NME3: variants seen among roughly 807,000 people sequenced by gnomAD.
NME3 encodes the protein NME/NM23 nucleoside diphosphate kinase 3.
NME3 carries 23 observed loss-of-function variants against 15.8 expected under a neutral mutation model. That is an observed-to-expected ratio of 1.45 (90% CI 1.05 to 2.06). The LOEUF is 2.06. Among genes scored for constraint, NME3 ranks in the 30% most tolerant of loss-of-function variants. The pLI is 0.00. For synonymous variants in NME3, 157 were observed against 104.4 expected, an observed-to-expected ratio of 1.50 and a Z score of -3.07; for missense variants, 354 against 243.2, an observed-to-expected ratio of 1.46 and a Z score of -3.03.
At position 1,770,405 on chromosome 16, in the gene NME3, AGT is replaced by A; in HGVS notation, c.*242_*243del. The A allele has an allele frequency of 2.3e-6, 1 of 431,806 alleles. No homozygotes were observed. Among genetic ancestry groups the A allele is most frequent in the Non-Finnish European group, 4.1e-6 (1 of 243,552 alleles). 26.7% of individuals were successfully genotyped at this position (431,806 alleles called of 1,614,324 possible). ...ACCACGTTGGGCTGGGCACCAGGAC[AGT>A]GTCCTGGCACGTTTCCAGGCGAGCC... On this transcript the variant is annotated 3_prime_UTR_variant, in exon 5 of 5. Transcript: ENST00000219302.
Position 1,771,118 on chromosome 16 carries a change from G to C in NME3, c.231C>G (p.Phe77Leu). 1 of 1,609,798 alleles carries C rather than the reference G, an allele frequency of 6.2e-7. No homozygotes were observed. The highest frequency in any genetic ancestry group is 1.1e-5 in the South Asian group (1 of 90,922). ...CCATATACTTGACAAGGCGGCCGTA[G>C]AACGGGCGTTCACGCAGCTCGGCGT... ...EHYAELRERP[F>L]YGRLVKYMAS... The change falls in exon 3 of 5, where the codon TTC becomes TTG. Residue 77 changes from phenylalanine (F) to leucine (L), a missense_variant. Coordinates refer to ENST00000219302, the MANE Select transcript of NME3 (RefSeq NM_002513.3).
At position 1,771,160 on chromosome 16, in the gene NME3, C is replaced by T. The variant is rs1465485423; in HGVS notation, c.189G>A (p.Glu63=). 3 of 1,603,868 alleles carry T rather than the reference C, an allele frequency of 1.9e-6. No individual in the cohort carries two copies. Among genetic ancestry groups the T allele is most frequent in the South Asian group, 2.2e-5 (2 of 90,478 alleles). ...VALKLVQASE[E]LLREHYAELR... ...GCTCGGCGTAGTGCTCACGCAGCAG[C>T]TCCTCGGAGGCCTGCGGAAGGGTCA... is the stretch of plus-strand genomic sequence containing the variant. The change falls in exon 3 of 5, where the codon GAG becomes GAA. Residue 63 remains glutamate (E), a synonymous_variant. Coordinates refer to ENST00000219302, the MANE Select transcript of NME3 (RefSeq NM_002513.3).
In NME3 at chr16:1,770,673, G is replaced by A; in HGVS notation, c.486C>T (p.Ser162=). 1.3e-6 allele frequency: 2 copies of A among 1,583,982 alleles called. No individual in the cohort carries two copies. The highest frequency in any genetic ancestry group is 1.1e-5 in the South Asian group (1 of 87,526). Residue 162 remains serine (S), a synonymous_variant, in exon 5 of 5, where the codon AGC becomes AGT. Coordinates refer to ENST00000219302, the MANE Select transcript of NME3 (RefSeq NM_002513.3). ...RADELLCWED[S]AGHWLYE ...GCTACTCATACAGCCAGTGCCCAGC[G>A]CTGTCCTCCCAGCAGAGGAGCTCGT...
intron 3 of NME3, 36 bp from the exon 4 acceptor site, chr16:1,771,029 T>TG (rs1490920241): frequency 6.3e-7 from 1 of 1,593,608 alleles, no homozygotes; most frequent in Non-Finnish European, 8.6e-7. Flanking sequence ...CACGCGGGGG[T>TG]GGGGGTCCCG....
Position 1,771,517 on chromosome 16 carries a change from C to G in NME3, c.18G>C (p.Leu6=), listed in dbSNP as rs1362032474. The G allele has an allele frequency of 1.6e-6, 2 of 1,236,100 alleles. No homozygotes were observed. Among genetic ancestry groups the G allele is most frequent in the East Asian group, 3.1e-5 (1 of 31,784 alleles). The allele number at this position is 1,236,100 out of a possible 1,614,324, so 76.6% of individuals were successfully genotyped here. ...CGGGGAAGAGGTTAGCGAAGATGGT[C>G]AGCACCAGGCAGATCATGATGGCGG... MICLV[L]TIFANLFPAA... The change falls in exon 1 of 5, where the codon CTG becomes CTC. Residue 6 remains leucine (L), a synonymous_variant. Coordinates refer to ENST00000219302, the MANE Select transcript of NME3 (RefSeq NM_002513.3).
chr16:1,770,707 A>T lies in NME3; in HGVS notation c.452T>A (p.Phe151Tyr). The T allele has an allele frequency of 6.3e-7, 1 of 1,590,038 alleles. No homozygotes were observed. Among genetic ancestry groups the T allele is most frequent in the Admixed American group, 1.8e-5 (1 of 56,696 alleles). Residue 151 changes from phenylalanine (F) to tyrosine (Y), a missense_variant, in exon 5 of 5, where the codon TTC (phenylalanine) becomes TAC (tyrosine). Phe to Tyr is a conservative substitution (Grantham distance 22, BLOSUM62 3). Transcript: ENST00000219302. ...ESARREIALW[F>Y]RADELLCWED... ...CCAGCAGAGGAGCTCGTCTGCGCGG[A>T]ACCAGAGAGCGATCTCGCGGCGGGC...
Position 1,771,098 on chromosome 16 carries a change from T to C in NME3, c.251A>G (p.Tyr84Cys), listed in dbSNP as rs1378624962. The C allele has an allele frequency of 6.2e-7, 1 of 1,610,406 alleles. No individual in the cohort carries two copies. Among genetic ancestry groups the C allele is most frequent in the South Asian group, 1.1e-5 (1 of 90,930 alleles). ...ERPFYGRLVK[Y>C]MASGPVVAMV... The stretch of plus-strand genomic sequence containing the variant: ...GGCCACCACCGGCCCGGAGGCCATA[T>C]ACTTGACAAGGCGGCCGTAGAACGG... Residue 84 changes from tyrosine (Y) to cysteine (C), a missense_variant, in exon 3 of 5, where the codon TAT becomes TGT. Transcript: ENST00000219302.
Position 1,770,602 on chromosome 16 carries a change from TG to T in NME3, c.*46del. On this transcript the variant is annotated 3_prime_UTR_variant, in exon 5 of 5. Coordinates refer to ENST00000219302, the MANE Select transcript of NME3 (RefSeq NM_002513.3). The stretch of plus-strand genomic sequence containing the variant: ...GCCAGAAGCCCGCCCACCTGGGCCC[TG>T]GAGGAGGCTGGAGTGTGAGAGCCTC... The T allele has an allele frequency of 6.8e-7, 1 of 1,462,592 alleles. No homozygotes were observed. The highest frequency in any genetic ancestry group is 9.3e-7 in the Non-Finnish European group (1 of 1,080,720). The allele number at this position is 1,462,592 out of a possible 1,614,324, so 90.6% of individuals were successfully genotyped here. A position where few individuals can be genotyped will look rare whatever the true frequency, so the allele number is the denominator to read the frequency against.
chr16:1,771,106 A>G lies in NME3; in HGVS notation c.243T>C (p.Leu81=), dbSNP rs113812579. 8.9e-5 allele frequency: 143 copies of G among 1,610,046 alleles called. No individual in the cohort carries two copies. The highest frequency in any genetic ancestry group is 1.2e-4 in the Non-Finnish European group (140 of 1,179,224). The change falls in exon 3 of 5, where the codon CTT becomes CTC. Residue 81 remains leucine, a synonymous_variant. Coordinates refer to ENST00000219302, the MANE Select transcript of NME3 (RefSeq NM_002513.3). Reference sequence around the variant, plus strand: ...CCGGCCCGGAGGCCATATACTTGACAAGGCGGCCGTAGAACGGGCGTTCAC... The same window carrying G: ...CCGGCCCGGAGGCCATATACTTGACGAGGCGGCCGTAGAACGGGCGTTCAC... The part of the protein sequence containing the change: ...ELRERPFYGR[L]VKYMASGPVV...
In NME3 at chr16:1,770,497, C is replaced by T. The variant is rs1381969218; in HGVS notation, c.*152G>A. 15 of 608,342 alleles carry T rather than the reference C, an allele frequency of 2.5e-5. No homozygotes were observed. Among genetic ancestry groups the T allele is most frequent in the Admixed American group, 6.9e-5 (2 of 29,048 alleles). The allele number at this position is 608,342 out of a possible 1,614,324, so 37.7% of individuals were successfully genotyped here. A position where few individuals can be genotyped will look rare whatever the true frequency, so the allele number is the denominator to read the frequency against. ...GTACGCCAGGGATTGGAGAGGCCTGCGCCACCCTCCATGCAACGTCCAGAC... is the reference window on the plus strand; with the variant it reads ...GTACGCCAGGGATTGGAGAGGCCTGTGCCACCCTCCATGCAACGTCCAGAC... On this transcript the variant is annotated 3_prime_UTR_variant, in exon 5 of 5. Transcript: ENST00000219302.
rs1489691915 is a variant in NME3, at chr16:1,771,537, T to A, written c.-3A>T. 1 of 1,146,278 alleles carries A rather than the reference T, an allele frequency of 8.7e-7. No homozygotes were observed. Among genetic ancestry groups the A allele is most frequent in the Non-Finnish European group, 1.1e-6 (1 of 891,846 alleles). The allele number at this position is 1,146,278 out of a possible 1,614,324, so 71.0% of individuals were successfully genotyped here. ...ATGGTCAGCACCAGGCAGATCATGATGGCGGTGCGGGAGCGGGATCCGCGG... is the reference window on the plus strand; with the variant it reads ...ATGGTCAGCACCAGGCAGATCATGAAGGCGGTGCGGGAGCGGGATCCGCGG... On this transcript the variant is annotated 5_prime_UTR_variant, in exon 1 of 5. Coordinates refer to ENST00000219302, the MANE Select transcript of NME3 (RefSeq NM_002513.3).
rs1273184041 is a variant in NME3, at chr16:1,771,375, C to T, written c.82G>A (p.Val28Met). Reference protein sequence around the residue: ...TGAHERTFLAVKPDGVQRRLV... With the variant: ...TGAHERTFLAMKPDGVQRRLV... Reference sequence around the variant, plus strand: ...CGCCGCTGCACGCCGTCCGGCTTCACGGCCAGGAAGGTGCGTTCGTGTGCG... The same window carrying T: ...CGCCGCTGCACGCCGTCCGGCTTCATGGCCAGGAAGGTGCGTTCGTGTGCG... The change falls in exon 2 of 5, where the codon GTG (valine) becomes ATG (methionine). Residue 28 changes from valine to methionine, a missense_variant. Val to Met is a conservative substitution (Grantham distance 21, BLOSUM62 1). Transcript: ENST00000219302. 2 of 1,569,756 alleles carry T rather than the reference C, an allele frequency of 1.3e-6. No individual in the cohort carries two copies. The highest frequency in any genetic ancestry group is 1.8e-5 in the Admixed American group (1 of 54,692).
rs2042585481 is a variant in NME3 at position 1,771,075 on chromosome 16, C to T, written c.274G>A (p.Ala92Thr). ...CCCGCTTCCCGGATACTCACCATGGCCACCACCGGCCCGGAGGCCATATAC... is the reference window on the plus strand; with the variant it reads ...CCCGCTTCCCGGATACTCACCATGGTCACCACCGGCCCGGAGGCCATATAC... ...VKYMASGPVV[A>T]MVWQGLDVVR... Residue 92 changes from alanine to threonine, a missense_variant, in exon 3 of 5, where the codon GCC becomes ACC. Transcript: ENST00000219302. 4 of 1,607,558 alleles carry T rather than the reference C, an allele frequency of 2.5e-6. No individual in the cohort carries two copies. Among genetic ancestry groups the T allele is most frequent in the East Asian group, 2.2e-5 (1 of 44,722 alleles).
chr16:1,770,762 G>A lies in NME3; in HGVS notation c.397C>T (p.Leu133=), dbSNP rs1237132533. ...TCCACCGAGTCGCTGCCGTGAATCA[G>A]GTTCCTGCGCGGAAGAGGCGCGTGT... The part of the protein sequence containing the change: ...GDFCIEVGKN[L]IHGSDSVESA... The change falls in exon 5 of 5, where the codon CTG becomes TTG. Residue 133 remains leucine (L), a synonymous_variant. Transcript: ENST00000219302. 6 of 1,602,334 alleles carry A rather than the reference G, an allele frequency of 3.7e-6. No individual in the cohort carries two copies. Among genetic ancestry groups the A allele is most frequent in the Middle Eastern group, 3.3e-4 (2 of 6,032 alleles).
At position 1,771,008 on chromosome 16, in the gene NME3, G is replaced by C. The variant is rs770925795; in HGVS notation, c.280-15C>G. The C allele has an allele frequency of 1.3e-6, 2 of 1,593,028 alleles. No homozygotes were observed. Among genetic ancestry groups the C allele is most frequent in the Non-Finnish European group, 1.7e-6 (2 of 1,166,962 alleles). Reference sequence around the variant, plus strand: ...CCCTGCCATACCTGTGCGGAGGAACGGGCGCGGTATCACGCGGGGGTGGGG... The same window carrying C: ...CCCTGCCATACCTGTGCGGAGGAACCGGCGCGGTATCACGCGGGGGTGGGG... On this transcript the variant is annotated splice_polypyrimidine_tract_variant and intron_variant, in intron 3 of 4. Coordinates refer to ENST00000219302, the MANE Select transcript of NME3 (RefSeq NM_002513.3).
chr16:1,771,472 C>G lies in NME3; in HGVS notation c.46+17G>C. The G allele has an allele frequency of 7.5e-7, 1 of 1,330,388 alleles. No individual in the cohort carries two copies. The highest frequency in any genetic ancestry group is 9.6e-7 in the Non-Finnish European group (1 of 1,045,168). 82.4% of individuals were successfully genotyped at this position (1,330,388 alleles called of 1,614,324 possible). ...CAGCACCGGCCACCCGCCCCCGGCC[C>G]GCGCCGCGCGGCTCACCCGCGGGGA... On this transcript the variant is annotated intron_variant, in intron 1 of 4. Transcript: ENST00000219302.
rs750645252 is a variant in NME3 at position 1,770,656 on chromosome 16, T to C, written c.503A>G (p.Tyr168Cys). ...TGACGCGCATCTGCCGGGCTACTCA[T>C]ACAGCCAGTGCCCAGCGCTGTCCTC... The part of the protein sequence containing the change: ...CWEDSAGHWL[Y>C]E The change falls in exon 5 of 5, where the codon TAT (tyrosine) becomes TGT (cysteine). Residue 168 changes from tyrosine to cysteine, a missense_variant. By Grantham distance (194) the Tyr-to-Cys change is radical. Transcript: ENST00000219302. 3.8e-6 allele frequency: 6 copies of C among 1,579,550 alleles called. No homozygotes were observed. Among genetic ancestry groups the C allele is most frequent in the Non-Finnish European group, 5.2e-6 (6 of 1,162,522 alleles).
At position 1,770,658 on chromosome 16, in the gene NME3, C is replaced by T. The variant is rs764284008; in HGVS notation, c.501G>A (p.Leu167=). Residue 167 remains leucine, a synonymous_variant, in exon 5 of 5, where the codon CTG becomes CTA. Transcript: ENST00000219302. ...ACGCGCATCTGCCGGGCTACTCATA[C>T]AGCCAGTGCCCAGCGCTGTCCTCCC... ...LCWEDSAGHW[L]YE 38 of 1,578,790 alleles carry T rather than the reference C, an allele frequency of 2.4e-5. No homozygotes were observed. The highest frequency in any genetic ancestry group is 3.1e-5 in the Non-Finnish European group (36 of 1,162,126).
chr16:1,770,733 ACT>A lies in NME3; in HGVS notation c.424_425del (p.Ser142CysfsTer27), dbSNP rs1567222548. 2 of 1,594,698 alleles carry A rather than the reference ACT, an allele frequency of 1.3e-6. No homozygotes were observed. The highest frequency in any genetic ancestry group is 1.1e-5 in the South Asian group (1 of 89,096). On this transcript the variant is annotated frameshift_variant, in exon 5 of 5. Transcript: ENST00000219302. LOFTEE classifies it low-confidence loss of function (END_TRUNC). ...NLIHGSDSVE[S>X]ARREIALWFR... ...ACCAGAGAGCGATCTCGCGGCGGGC[ACT>A]CTCCACCGAGTCGCTGCCGTGAATC...
Sources: gnomAD v4.1 joint callset for allele counts on GRCh38, gnomAD v4.1.1 for gene constraint, MANE v1.5 for transcripts, NCBI Gene and HGNC (gene_info 2026-07-23, HGNC 2026-07-21) for gene names.